GSE1: variants seen among roughly 807,000 people sequenced by gnomAD.
GSE1 encodes genetic suppressor element 1.
In GSE1, 32 loss-of-function variants were observed where a neutral mutation model predicts 112.6. The observed-to-expected ratio is 0.28, with a 90% CI of 0.21 to 0.38. The LOEUF is 0.38. Among genes scored for constraint, GSE1 ranks in the 10% least tolerant of loss-of-function variants. The pLI, the probability that GSE1 is intolerant of heterozygous loss-of-function variation, is 1.00. For missense variants in GSE1, 2,348 were observed against 1,699.2 expected (o/e 1.38, Z -6.71); for synonymous variants, 1,115 against 735.6 (o/e 1.52, Z -8.35).
chr16:85,459,110 A>G (rs372041315), intron 2 of GSE1, among the ~76,000 whole-genome samples: 7 of 152,244 alleles, frequency 4.6e-5, no homozygotes, highest in Admixed American at 2.6e-4. Context: ...CTGCTTACAC[A>G]GTGGCCTCTG....
chr16:85,611,814 G>A (rs1200782756), upstream of GSE1, among the ~76,000 whole-genome samples: 2 of 151,826 alleles, frequency 1.3e-5, no homozygotes, highest in Non-Finnish European at 2.9e-5. Context: ...GATGGGGGGT[G>A]GCAGGCGCCC....
intron 1 of GSE1, among the ~76,000 whole-genome samples, chr16:85,562,421 G>C (rs1033618386): frequency 6.7e-6 from 1 of 150,346 alleles, no homozygotes. Context: ...TTGTTGTTAC[G>C]CCATGGGTGG....
intron 2 of GSE1, among the ~76,000 whole-genome samples, chr16:85,521,896 G>A (rs780356887): frequency 3.9e-5 from 6 of 152,310 alleles, no homozygotes; most frequent in South Asian, 2.1e-4. Context: ...ATGAGGTCCC[G>A]GCAGTGCCAA....
At chr16:85,565,695 G>A (rs2045718159) in intron 1 of GSE1, among the ~76,000 whole-genome samples, 1 of 152,182 alleles carries the variant, frequency 6.6e-6, no homozygotes, top group African/African-American at 2.4e-5. Context: ...TGAGAGAACA[G>A]GCCTGACCCC....
Position 85,355,780 on chromosome 16 carries a change from G to C in GSE1, c.2284-1683G>C, listed in dbSNP as rs143134465. On this transcript the variant is annotated intron_variant, in intron 1 of 2. Coordinates refer to the GSE1 transcript ENST00000637419. ...TCACACCTATAATCCCAGCGCTTTGGGAGGCAGAAGCAGGCGGATCACTTG... is the reference window on the plus strand; with the variant it reads ...TCACACCTATAATCCCAGCGCTTTGCGAGGCAGAAGCAGGCGGATCACTTG... 6.4e-3 allele frequency among the ~76,000 whole-genome samples: 967 copies of C among 152,274 alleles called. 15 individuals carry two copies. Among genetic ancestry groups the C allele is most frequent in the African/African-American group, 0.022 (916 of 41,518 alleles).
chr16:85,195,390 T>A (rs2074907498), intron 1 of GSE1, among the ~76,000 whole-genome samples: 1 of 152,174 alleles, frequency 6.6e-6, no homozygotes, highest in African/African-American at 2.4e-5. Flanking sequence ...TAACCCTGGC[T>A]GGGACAGGGG....
intron 2 of GSE1, among the ~76,000 whole-genome samples, chr16:85,640,851 G>T (rs2050384595): frequency 6.6e-6 from 1 of 152,266 alleles, no homozygotes; most frequent in African/African-American, 2.4e-5. Context: ...CTCCCGCGCA[G>T]GTGTGAGCGC....
At chr16:85,423,722 C>T (rs1235409677) in intron 2 of GSE1, among the ~76,000 whole-genome samples, 3 of 129,932 alleles carry the variant, frequency 2.3e-5, no homozygotes, top group Admixed American at 8.2e-5. Context: ...AAGCGTGTAT[C>T]CCTCTCTCTG....
chr16:85,665,360 T>C (rs763304828), intron 12 of GSE1, among the ~76,000 whole-genome samples: 48 of 152,364 alleles, frequency 3.2e-4, no homozygotes, highest in South Asian at 1.0e-3. Flanking sequence ...TCTGTGGAGC[T>C]CTACGTGCTG....
chr16:85,382,208 T>C (rs1032665254), intron 2 of GSE1, among the ~76,000 whole-genome samples: 8 of 152,050 alleles, frequency 5.3e-5, no homozygotes, highest in Admixed American at 4.6e-4. Context: ...CCTCGATGGC[T>C]CATCTCCCCT....
At chr16:85,337,329 G>A (rs1365393438) in intron 1 of GSE1, among the ~76,000 whole-genome samples, 4 of 142,658 alleles carry the variant, frequency 2.8e-5, no homozygotes, top group African/African-American at 7.8e-5. Flanking sequence ...TTTTTGAGAC[G>A]GAGTCTCGCT....
At chr16:85,415,363 G>A (rs2048679832) in intron 2 of GSE1, among the ~76,000 whole-genome samples, 2 of 152,226 alleles carry the variant, frequency 1.3e-5, no homozygotes, top group South Asian at 4.1e-4. Context: ...AGGACATGAT[G>A]ATGAATGAAT....
At chr16:85,647,808 A>G (rs1299936630) in intron 2 of GSE1, among the ~76,000 whole-genome samples, 1 of 152,094 alleles carries the variant, frequency 6.6e-6, no homozygotes, top group Non-Finnish European at 1.5e-5. Context: ...GATGGTCTCG[A>G]ACTCCTGACC....
At position 85,186,822 on chromosome 16, in the gene GSE1, A is replaced by G. The variant is rs534318606; in HGVS notation, c.2283+15015A>G. 3.3e-5 allele frequency among the ~76,000 whole-genome samples: 5 copies of G among 152,336 alleles called. 1 individual carries two copies. Among genetic ancestry groups the G allele is most frequent in the African/African-American group, 1.2e-4 (5 of 41,588 alleles). On this transcript the variant is annotated intron_variant, in intron 1 of 2. Transcript: ENST00000637419. ...CTGAGTCTTCAAATCAGTGAAATAC[A>G]GTAAGGATGATGATGATGGTGGTGG...
chr16:85,349,936 TTACTGAGCACC>T (rs1396286731), intron 1 of GSE1, among the ~76,000 whole-genome samples: 2 of 152,166 alleles, frequency 1.3e-5, no homozygotes, highest in Admixed American at 6.5e-5. Context: ...CTGCCAGTGT[TTACTGAGCACC>T]TACTGTGCCC....
At chr16:85,568,007 G>A (rs557306414) in intron 1 of GSE1, among the ~76,000 whole-genome samples, 3 of 152,246 alleles carry the variant, frequency 2.0e-5, no homozygotes, top group East Asian at 1.9e-4. Context: ...TTACAGACAC[G>A]AGCCACTGTG....
At chr16:85,661,901 G>A in intron 9 of GSE1, 136 bp downstream of exon 9, 1 of 826,348 alleles carries the variant, frequency 1.2e-6, no homozygotes, top group Non-Finnish European at 1.8e-6. Flanking sequence ...CAGGTGGCAA[G>A]TGCACTGGCT....
At chr16:85,588,966 C>T (rs952516863) in intron 1 of GSE1, among the ~76,000 whole-genome samples, 1 of 152,192 alleles carries the variant, frequency 6.6e-6, no homozygotes, top group African/African-American at 2.4e-5. Flanking sequence ...CACACACGTT[C>T]ACACTAACAC....
rs779972939 is a variant in GSE1, at chr16:85,672,275, G to C, written c.3520-130G>C. 8.6e-6 allele frequency: 6 copies of C among 693,828 alleles called. No homozygotes were observed. In the East Asian group the frequency reaches 1.7e-4, roughly 19 times the overall value. 43.0% of individuals were successfully genotyped at this position (693,828 alleles called of 1,614,324 possible). A position where few individuals can be genotyped will look rare whatever the true frequency, so the allele number is the denominator to read the frequency against. ...CTCCAAAAGTGCTGGGATTACAGGC[G>C]TGAGCCACCACGCCCGGCCGGGACA... On this transcript the variant is annotated intron_variant, in intron 15 of 15. Coordinates refer to ENST00000253458, the MANE Select transcript of GSE1 (RefSeq NM_014615.5).
Sources: allele counts gnomAD v4.1 joint callset (sites outside exome capture counted in the v4.1 genomes callset), GRCh38; gene constraint gnomAD v4.1.1; transcripts MANE v1.5; gene names NCBI Gene and HGNC (gene_info 2026-07-23, HGNC 2026-07-21).